Variants in TBXAS1 observed in about 807,000 individuals in gnomAD.
TBXAS1 encodes thromboxane A synthase 1, also known as thromboxane-A synthase.
A neutral mutation model predicts 60.7 loss-of-function variants in TBXAS1; 48 were observed. That is an observed-to-expected ratio of 0.79 (90% CI 0.63 to 1.01). TBXAS1 has a LOEUF of 1.01. Ranked by LOEUF, TBXAS1 falls within the 50% of genes least tolerant of loss-of-function variation. The pLI, the probability that TBXAS1 is intolerant of heterozygous loss-of-function variation, is 0.00. For synonymous variants in TBXAS1, 287 were observed against 269.7 expected, an observed-to-expected ratio of 1.06 and a Z score of -0.63; for missense variants, 685 against 686.3, an observed-to-expected ratio of 1.00 and a Z score of 0.02.
intron 3 of TBXAS1, among the ~76,000 whole-genome samples, chr7:139,888,714 G>A (rs531439294): frequency 6.6e-6 from 1 of 152,276 alleles, no homozygotes; most frequent in South Asian, 2.1e-4. Flanking sequence ...ATATGCATGG[G>A]AGAAAGTTCA....
intron 4 of TBXAS1, among the ~76,000 whole-genome samples, chr7:139,809,240 TAGATAGATAGATA>T (rs1569493094): frequency 1.6e-4 from 9 of 55,326 alleles, no homozygotes; most frequent in African/African-American, 5.4e-4. Context: ...AGATGATAGA[TAGATAGATAGATA>T]GATAGATAGA....
chr7:139,914,862 T>A (rs889240526), intron 4 of TBXAS1, among the ~76,000 whole-genome samples: 2 of 152,208 alleles, frequency 1.3e-5, no homozygotes, highest in African/African-American at 2.4e-5. Flanking sequence ...GTATTTTTTT[T>A]AAACCCCATG....
At chr7:139,902,854 C>A (rs1804686778) in intron 3 of TBXAS1, among the ~76,000 whole-genome samples, 1 of 152,138 alleles carries the variant, frequency 6.6e-6, no homozygotes, top group African/African-American at 2.4e-5. Context: ...TCACCAATGG[C>A]TAATAATGTT....
chr7:139,881,529 C>A (rs1390495480), intron 3 of TBXAS1, among the ~76,000 whole-genome samples: 3 of 152,022 alleles, frequency 2.0e-5, no homozygotes, highest in Non-Finnish European at 4.4e-5. Context: ...TCACTTTTAT[C>A]ATTTATTAAT....
At chr7:139,844,917 C>T (rs949048891) in intron 1 of TBXAS1, among the ~76,000 whole-genome samples, 1 of 152,068 alleles carries the variant, frequency 6.6e-6, no homozygotes, top group Non-Finnish European at 1.5e-5. Flanking sequence ...TCCCTCCTTG[C>T]TCATTTCCTC....
intron 9 of TBXAS1, among the ~76,000 whole-genome samples, chr7:139,981,251 GCTTGTACCAC>G (rs1374931602): frequency 6.6e-6 from 1 of 152,164 alleles, no homozygotes; most frequent in Non-Finnish European, 1.5e-5. Context: ...GGGATTACAG[GCTTGTACCAC>G]CCATGCCCCA....
At chr7:139,954,317 T>A (rs1227268068) in intron 6 of TBXAS1, among the ~76,000 whole-genome samples, 1 of 152,246 alleles carries the variant, frequency 6.6e-6, no homozygotes, top group Non-Finnish European at 1.5e-5. Context: ...ATAGGATGCA[T>A]GAGTTGGCTA....
intron 4 of TBXAS1, among the ~76,000 whole-genome samples, chr7:139,798,134 G>C (rs1231448364): frequency 6.6e-6 from 1 of 152,158 alleles, no homozygotes; most frequent in Non-Finnish European, 1.5e-5. Flanking sequence ...TAGACAATGA[G>C]ATTCAAGCAA....
intron 3 of TBXAS1, among the ~76,000 whole-genome samples, chr7:139,893,386 C>T (rs377575623): frequency 3.3e-5 from 5 of 150,302 alleles, no homozygotes; most frequent in East Asian, 3.9e-4. Context: ...TCAATACCCC[C>T]GAATATACAT....
intron 5 of TBXAS1, chr7:139,952,813 G>A (rs1809520890): frequency 7.1e-6 from 7 of 989,554 alleles, no homozygotes; most frequent in Admixed American, 6.5e-5. Flanking sequence ...AAAGCTTAGC[G>A]GCTTAAGCAC....
intron 4 of TBXAS1, among the ~76,000 whole-genome samples, chr7:139,930,036 A>G (rs1359677101): frequency 6.6e-6 from 1 of 151,970 alleles, no homozygotes; most frequent in South Asian, 2.1e-4. Context: ...ACAGGCCCCC[A>G]TGCCCTCTCT....
intron 1 of TBXAS1, among the ~76,000 whole-genome samples, chr7:139,832,662 G>T (rs561716106): frequency 3.3e-5 from 5 of 152,214 alleles, no homozygotes; most frequent in African/African-American, 2.4e-5. Context: ...TTGTCATCAG[G>T]TTATCCAGAG....
intron 3 of TBXAS1, among the ~76,000 whole-genome samples, chr7:139,876,485 G>A (rs17161201): frequency 0.015 from 2,331 of 152,176 alleles, 33 homozygotes; most frequent in African/African-American, 0.033. Flanking sequence ...CTGGGTCAGC[G>A]ATCACTTTTG....
At chr7:139,829,209 T>C (rs763742782), upstream of TBXAS1, 2 of 699,726 alleles carry the variant, frequency 2.9e-6, no homozygotes, top group Non-Finnish European at 5.2e-6. Flanking sequence ...TGTGCCCTCC[T>C]CTTCCTTCCT....
chr7:139,930,483 G>C (rs1439579759), intron 4 of TBXAS1, among the ~76,000 whole-genome samples: 1 of 152,162 alleles, frequency 6.6e-6, no homozygotes, highest in Non-Finnish European at 1.5e-5. Context: ...AAACCAGAGA[G>C]GTCAGCTCTC....
At chr7:139,887,262 G>A (rs756134222) in intron 3 of TBXAS1, among the ~76,000 whole-genome samples, 3 of 152,086 alleles carry the variant, frequency 2.0e-5, no homozygotes, top group Non-Finnish European at 2.9e-5. Flanking sequence ...TATTTTTATT[G>A]TGTTAAAATA....
chr7:139,846,546 G>A (rs964384680), intron 1 of TBXAS1, among the ~76,000 whole-genome samples: 5 of 152,170 alleles, frequency 3.3e-5, no homozygotes, highest in African/African-American at 7.2e-5. Context: ...ATAACTGCAC[G>A]CTTATATTCA....
Position 139,896,888 on chromosome 7 carries a change from T to C in TBXAS1, c.237-14337T>C, listed in dbSNP as rs954149991. ...ATGATGGAGAACCACTAGAGATTTA[T>C]AGGGAATAGAACGACACAGTCAGCT... On this transcript the variant is annotated intron_variant, in intron 3 of 12. Transcript: ENST00000448866. This position sits in a 1 kb window ranked among gnomAD's most constrained non-coding sequence, Gnocchi z 4.0. Among the ~76,000 whole-genome samples, 27 of 152,124 alleles carry C rather than the reference T, an allele frequency of 1.8e-4. No homozygotes were observed. Among genetic ancestry groups the C allele is most frequent in the African/African-American group, 6.5e-4 (27 of 41,436 alleles).
At chr7:139,844,787 C>T (rs1272145451) in intron 1 of TBXAS1, among the ~76,000 whole-genome samples, 2 of 152,132 alleles carry the variant, frequency 1.3e-5, no homozygotes, top group Admixed American at 6.5e-5. Context: ...GATCTAAGAG[C>T]GTACCTAAGG....
Sources: gnomAD v4.1 joint callset for allele counts (sites outside exome capture counted in the v4.1 genomes callset) on GRCh38, gnomAD v4.1.1 for gene constraint, Gnocchi (gnomAD v3.1) non-coding constraint, MANE v1.5 for transcripts, NCBI Gene and HGNC (gene_info 2026-07-23, HGNC 2026-07-21) for gene names.